PCDH9: variants seen among roughly 807,000 people sequenced by gnomAD.
PCDH9 encodes the protein protocadherin 9.
A neutral mutation model predicts 70.6 loss-of-function variants in PCDH9; 24 were observed. The ratio of observed to expected loss-of-function variants is 0.34; its 90% CI spans 0.25 to 0.48. PCDH9 has a LOEUF of 0.48. Among genes scored for constraint, PCDH9 ranks in the 20% least tolerant of loss-of-function variants. The probability of loss-of-function intolerance (pLI) is 0.99; values close to 1 mark genes in which losing one functional copy is unlikely to be tolerated. For missense variants in PCDH9, 1,281 were observed against 1,503.6 expected, an observed-to-expected ratio of 0.85 and a Z score of 2.45; for synonymous variants, 562 against 558.5, an observed-to-expected ratio of 1.01 and a Z score of -0.09.
intron 4 of PCDH9, among the ~76,000 whole-genome samples, chr13:66,367,108 C>A (rs80065786): frequency 0.011 from 1,642 of 152,094 alleles, 32 homozygotes; most frequent in African/African-American, 0.038. Context: ...TGTACATTTA[C>A]TTTTTTCAAT....
chr13:67,168,395 A>T (rs965722432), intron 2 of PCDH9, among the ~76,000 whole-genome samples: 13 of 152,166 alleles, frequency 8.5e-5, no homozygotes. Context: ...GTTCTATACT[A>T]GGAATACTAA....
chr13:67,150,072 G>C (rs1367230831), intron 2 of PCDH9, among the ~76,000 whole-genome samples: 2 of 152,010 alleles, frequency 1.3e-5, no homozygotes, highest in African/African-American at 4.8e-5. Context: ...TTGATATGGA[G>C]TCTCACTCTG....
chr13:66,938,035 G>A (rs1395722038), intron 2 of PCDH9, among the ~76,000 whole-genome samples: 2 of 152,150 alleles, frequency 1.3e-5, no homozygotes, highest in Non-Finnish European at 2.9e-5. Context: ...AGAACTGTGC[G>A]TGGATTACAC....
chr13:66,397,780 T>G (rs1593912923), intron 4 of PCDH9, among the ~76,000 whole-genome samples: 1 of 151,916 alleles, frequency 6.6e-6, no homozygotes, highest in Non-Finnish European at 1.5e-5. Context: ...CTCAGCATCA[T>G]CTTTTATTCT....
intron 3 of PCDH9, among the ~76,000 whole-genome samples, chr13:66,745,828 G>C (rs1253470960): frequency 6.6e-6 from 1 of 152,150 alleles, no homozygotes; most frequent in African/African-American, 2.4e-5. Flanking sequence ...TGAGTGGCTA[G>C]TGTTTAGCTG....
At chr13:66,763,544 A>C (rs1382182650) in intron 3 of PCDH9, among the ~76,000 whole-genome samples, 2 of 152,028 alleles carry the variant, frequency 1.3e-5, no homozygotes, top group East Asian at 3.9e-4. Context: ...AGATGTTCAA[A>C]AGGAATTCCA....
At chr13:67,112,844 G>A (rs1381995419) in intron 2 of PCDH9, among the ~76,000 whole-genome samples, 2 of 151,920 alleles carry the variant, frequency 1.3e-5, no homozygotes. Flanking sequence ...TCAGCTTCCC[G>A]AGTAGCTGGG....
chr13:66,813,670 C>T, intron 3 of PCDH9, among the ~76,000 whole-genome samples: 1 of 152,016 alleles, frequency 6.6e-6, no homozygotes, highest in East Asian at 1.9e-4. Flanking sequence ...CTAGGCATTA[C>T]TCAGTATGAT....
chr13:66,620,759 A>G (rs1464746312), intron 4 of PCDH9, among the ~76,000 whole-genome samples: 11 of 151,946 alleles, frequency 7.2e-5, no homozygotes, highest in Admixed American at 7.2e-4. Context: ...CATAGCTCAT[A>G]GAACAAAATT....
chr13:66,518,254 AC>A (rs1959832553), intron 4 of PCDH9, among the ~76,000 whole-genome samples: 1 of 152,102 alleles, frequency 6.6e-6, no homozygotes, highest in African/African-American at 2.4e-5. Flanking sequence ...CTTACTTATT[AC>A]CAGGAGGATG....
chr13:66,555,809 A>G (rs1446092689), intron 4 of PCDH9, among the ~76,000 whole-genome samples: 1 of 147,564 alleles, frequency 6.8e-6, no homozygotes, highest in Non-Finnish European at 1.5e-5. Context: ...CAATTTAATT[A>G]ACAATGGGTA....
At chr13:66,998,008 C>A (rs1203678912) in intron 2 of PCDH9, among the ~76,000 whole-genome samples, 3 of 152,170 alleles carry the variant, frequency 2.0e-5, no homozygotes, top group African/African-American at 7.2e-5. Context: ...ACTCACAATG[C>A]AATCATAAAG....
intron 3 of PCDH9, among the ~76,000 whole-genome samples, chr13:66,735,351 T>C (rs938552337): frequency 1.3e-5 from 2 of 152,172 alleles, no homozygotes; most frequent in Non-Finnish European, 2.9e-5. Flanking sequence ...ATAGAGAGAT[T>C]TGTGAGACTT....
rs118026273 is a variant in PCDH9 at position 67,067,320 on chromosome 13, C to T, written c.3036+158085G>A. On this transcript the variant is annotated intron_variant, in intron 2 of 4. Transcript: ENST00000377865. The stretch of plus-strand genomic sequence containing the variant: ...TAATTTACTAGTGACAAGAAATAGG[C>T]AAAATAAATTCTAATAATATATTTT... Among the ~76,000 whole-genome samples, 110 of 152,128 alleles carry T rather than the reference C, an allele frequency of 7.2e-4. 2 individuals are homozygous for T. The East Asian group carries it at 0.019, about 27-fold the overall frequency.
At chr13:66,483,067 T>C (rs761805741) in intron 4 of PCDH9, among the ~76,000 whole-genome samples, 2 of 152,172 alleles carry the variant, frequency 1.3e-5, no homozygotes, top group African/African-American at 2.4e-5. Context: ...TACCATATGA[T>C]TGATGCTAGA....
chr13:66,317,772 A>C (rs1955679657), intron 4 of PCDH9, among the ~76,000 whole-genome samples: 2 of 151,540 alleles, frequency 1.3e-5, no homozygotes, highest in Non-Finnish European at 3.0e-5. Flanking sequence ...TTTATTGAAA[A>C]CTTAAAAGTA....
chr13:66,785,154 C>A (rs1253450621), intron 3 of PCDH9, among the ~76,000 whole-genome samples: 2 of 152,008 alleles, frequency 1.3e-5, no homozygotes, highest in African/African-American at 2.4e-5. Context: ...GCATTATTCT[C>A]CAAAAGTAAA....
intron 4 of PCDH9, among the ~76,000 whole-genome samples, chr13:66,447,355 T>C (rs899459885): frequency 6.6e-6 from 1 of 152,054 alleles, no homozygotes; most frequent in Non-Finnish European, 1.5e-5. Context: ...TTATAAATTA[T>C]ACTGTTCATA....
At chr13:66,761,933 A>C (rs2079635467) in intron 3 of PCDH9, among the ~76,000 whole-genome samples, 1 of 152,076 alleles carries the variant, frequency 6.6e-6, no homozygotes. Context: ...TTTTCCCCTA[A>C]TTATTAATGA....
Sources: allele counts gnomAD v4.1 joint callset (sites outside exome capture counted in the v4.1 genomes callset), GRCh38; gene constraint gnomAD v4.1.1; transcripts MANE v1.5; gene names NCBI Gene and HGNC (gene_info 2026-07-23, HGNC 2026-07-21).